The following HYOU1 variants were observed in gnomAD, a reference collection of about 807,000 sequenced individuals.
HYOU1 encodes hypoxia up-regulated 1.
A neutral mutation model predicts 120.5 loss-of-function variants in HYOU1; 40 were observed. That is an observed-to-expected ratio of 0.33 (90% CI 0.26 to 0.43). The LOEUF (loss-of-function observed/expected upper bound fraction) is 0.43, where lower values mean the gene tolerates loss of function less well. HYOU1 is among the 20% of genes least tolerant of loss of function. HYOU1 has a pLI of 1.00. For missense variants in HYOU1, 1,085 were observed against 1,278.3 expected, an observed-to-expected ratio of 0.85 and a Z score of 2.31; for synonymous variants, 501 against 479.4, an observed-to-expected ratio of 1.05 and a Z score of -0.59.
rs2133582139 is a variant in HYOU1, at chr11:119,051,034, C to T, written c.1665+1G>A. 2 of 1,614,094 alleles carry T rather than the reference C, an allele frequency of 1.2e-6. No homozygotes were observed. Among genetic ancestry groups the T allele is most frequent in the African/African-American group, 1.3e-5 (1 of 74,932 alleles). ...CACACAGGGTATCCTTTAGCTCTCA[C>T]CCTGTCTAGACTGAGCACGCCACTC... On this transcript the variant is annotated splice_donor_variant, in intron 14 of 25. Coordinates refer to ENST00000617285, the MANE Select transcript of HYOU1 (RefSeq NM_006389.5). LOFTEE classifies it high-confidence loss of function. This position sits in a 1 kb window ranked among gnomAD's most constrained non-coding sequence, Gnocchi z 4.2.
In HYOU1 at chr11:119,048,875, C is replaced by A; in HGVS notation, c.2004G>T (p.Glu668Asp). 1 of 1,607,056 alleles carries A rather than the reference C, an allele frequency of 6.2e-7. No individual in the cohort carries two copies. Among genetic ancestry groups the A allele is most frequent in the Non-Finnish European group, 8.5e-7 (1 of 1,177,088 alleles). The change falls in exon 18 of 26, where the codon GAG (glutamate) becomes GAT (aspartate). Residue 668 changes from glutamate (E) to aspartate (D), a missense_variant. Physicochemically the swap from Glu to Asp is conservative, Grantham distance 45 (BLOSUM62 2). This residue lies in a region of HYOU1 where 516 missense variants were observed against 517.1 expected (regional missense o/e 1.00). Transcript: ENST00000617285. The surrounding 1 kb of genome is among the most constrained non-coding windows in gnomAD (Gnocchi z 4.7). ...GDKSEAQKPS[E>D]KAEAGPEGVA... ...CGCCCTCAGGCCCTGCCTCTGCCTT[C>A]TCACTTGGTTTCTGGGTGGGAAGAG...
rs1187598304 is a variant in HYOU1, at chr11:119,051,098, G to A, written c.1602C>T (p.Tyr534=). The change falls in exon 14 of 26, where the codon TAC becomes TAT. Residue 534 remains tyrosine, a synonymous_variant. Transcript: ENST00000617285. This position sits in a 1 kb window ranked among gnomAD's most constrained non-coding sequence, Gnocchi z 4.2. ...VGDSFKKYPD[Y]ESKGIKAHFN... ...AGTGAGCCTTGATGCCCTTGGACTC[G>A]TAGTCAGGATACTTCTTGAAGCTGT... 8.1e-6 allele frequency: 13 copies of A among 1,614,190 alleles called. No homozygotes were observed. Among genetic ancestry groups the A allele is most frequent in the East Asian group, 4.5e-5 (2 of 44,880 alleles).
intron 1 of HYOU1, chr11:119,056,443 C>A: frequency 1.9e-6 from 1 of 526,734 alleles, no homozygotes; most frequent in African/African-American, 1.9e-5. Context: ...GAAAGGAGAC[C>A]CGAGCCTTTT....
intron 8 of HYOU1, chr11:119,053,860 C>A: frequency 7.8e-6 from 3 of 385,576 alleles, no homozygotes; most frequent in African/African-American, 2.1e-5. Flanking sequence ...GAATCTGACA[C>A]CCTACATATT....
At position 119,055,914 on chromosome 11, in the gene HYOU1, C is replaced by A; in HGVS notation, c.92-71G>T. On this transcript the variant is annotated intron_variant, in intron 2 of 25. Coordinates refer to ENST00000617285, the MANE Select transcript of HYOU1 (RefSeq NM_006389.5). This position sits in a 1 kb window ranked among gnomAD's most constrained non-coding sequence, Gnocchi z 4.0. ...TTCCTGGGACTCCCTCTAATCAAAG[C>A]ATACCACTTTCCATGGGTAAACGAA... 7.0e-7 allele frequency: 1 copy of A among 1,436,540 alleles called. No homozygotes were observed. The highest frequency in any genetic ancestry group is 1.1e-5 in the South Asian group (1 of 87,500). The allele number at this position is 1,436,540 out of a possible 1,614,324, so 89.0% of individuals were successfully genotyped here. A position where few individuals can be genotyped will look rare whatever the true frequency, so the allele number is the denominator to read the frequency against.
chr11:119,047,996 G>A lies in HYOU1; in HGVS notation c.2461C>T (p.Arg821Trp), dbSNP rs2133560148. The change falls in exon 21 of 26, where the codon CGG (arginine) becomes TGG (tryptophan). Residue 821 changes from arginine (R) to tryptophan (W), a missense_variant. Physicochemically the swap from Arg to Trp is moderately radical, Grantham distance 101. Coordinates refer to ENST00000617285, the MANE Select transcript of HYOU1 (RefSeq NM_006389.5). The stretch of plus-strand genomic sequence containing the variant: ...AGGAGATTATCGAGGGCAGACAGCC[G>A]TTCGGGCCACTTCTTGCGCTCCTCT... The part of the protein sequence containing the change: ...RVEERKKWPE[R>W]LSALDNLLNH... The A allele has an allele frequency of 5.5e-5, 88 of 1,614,068 alleles. No homozygotes were observed. The Admixed American group carries it at 1.2e-3, about 23-fold the overall frequency.
chr11:119,047,605 A>G, intron 22 of HYOU1, 129 bp downstream of exon 22: 1 of 785,856 alleles, frequency 1.3e-6, no homozygotes. Flanking sequence ...CTCAAATACA[A>G]ACATCTTTTG....
intron 8 of HYOU1, 50 bp downstream of exon 8, chr11:119,054,071 C>T (rs2133602344): frequency 8.4e-7 from 1 of 1,193,312 alleles, no homozygotes; most frequent in Non-Finnish European, 1.2e-6. Context: ...GAAGAAACCC[C>T]TGACTTGAGG....
intron 7 of HYOU1, 83 bp from the exon 8 acceptor site, chr11:119,054,319 GCTGT>G (rs1337283277): frequency 1.6e-6 from 2 of 1,246,408 alleles, no homozygotes; most frequent in East Asian, 2.3e-5. Flanking sequence ...CTTCCAATGG[GCTGT>G]CTGACTCTTA....
At chr11:119,053,935 A>C (rs781875256) in intron 8 of HYOU1, 186 bp downstream of exon 8, 3 of 516,140 alleles carry the variant, frequency 5.8e-6, no homozygotes, top group Non-Finnish European at 6.9e-6. Context: ...AGTTTTCCCA[A>C]ACTGTCCTCC....
In HYOU1 at chr11:119,048,287, G is replaced by A; in HGVS notation, c.2337C>T (p.Ser779=). 2 of 1,611,556 alleles carry A rather than the reference G, an allele frequency of 1.2e-6. No homozygotes were observed. Among genetic ancestry groups the A allele is most frequent in the Non-Finnish European group, 1.7e-6 (2 of 1,179,982 alleles). Residue 779 remains serine, a synonymous_variant, in exon 20 of 26, where the codon TCC becomes TCT. Transcript: ENST00000617285. This position sits in a 1 kb window ranked among gnomAD's most constrained non-coding sequence, Gnocchi z 4.7. ...EEISGKLSAA[S]TWLEDEGVGA... is the part of the protein sequence containing the mutation. ...CAACACCCTCATCCTCCAGCCAGGT[G>A]GATGCGGCGCTGAGCTTCCCAGAGA...
In HYOU1 at chr11:119,052,280, C is replaced by T; in HGVS notation, c.1122+15G>A. ...CTTTCCTACGGGGCATTCCCGCCTTCCCCTACTCGCTCACCAGACTCATTT... is the reference window on the plus strand; with the variant it reads ...CTTTCCTACGGGGCATTCCCGCCTTTCCCTACTCGCTCACCAGACTCATTT... On this transcript the variant is annotated intron_variant, in intron 10 of 25. Coordinates refer to ENST00000617285, the MANE Select transcript of HYOU1 (RefSeq NM_006389.5). This position sits in a 1 kb window ranked among gnomAD's most constrained non-coding sequence, Gnocchi z 5.0. 1 of 1,614,220 alleles carries T rather than the reference C, an allele frequency of 6.2e-7. No homozygotes were observed. Among genetic ancestry groups the T allele is most frequent in the Non-Finnish European group, 8.5e-7 (1 of 1,180,036 alleles).
Position 119,048,025 on chromosome 11 carries a change from C to A in HYOU1, c.2432G>T (p.Arg811Leu), listed in dbSNP as rs144111366. 1.2e-6 allele frequency: 2 copies of A among 1,614,198 alleles called. No homozygotes were observed. Among genetic ancestry groups the A allele is most frequent in the South Asian group, 1.1e-5 (1 of 91,084 alleles). The change falls in exon 21 of 26, where the codon CGG (arginine) becomes CTG (leucine). Residue 811 changes from arginine (R) to leucine (L), a missense_variant. Physicochemically the swap from Arg to Leu is moderately radical, Grantham distance 102. Around this residue, in one of 4 missense-constraint regions of HYOU1, gnomAD observed 516 missense variants for 517.1 expected, o/e 1.00. Coordinates refer to ENST00000617285, the MANE Select transcript of HYOU1 (RefSeq NM_006389.5). This position sits in a 1 kb window ranked among gnomAD's most constrained non-coding sequence, Gnocchi z 4.7. ...LRKLCQGLFF[R>L]VEERKKWPER... is the part of the protein sequence containing the mutation. ...GGGCCACTTCTTGCGCTCCTCTACC[C>A]GAAAAAACAGCCCTTGGCACAGCTT...
intron 24 of HYOU1, among the ~76,000 whole-genome samples, chr11:119,046,213 G>A (rs2133548189): frequency 2.6e-4 from 39 of 150,692 alleles, no homozygotes; most frequent in Non-Finnish European, 3.2e-4. Flanking sequence ...TGATCTACCC[G>A]CCTCAGCCTT....
At chr11:119,056,472 G>C (rs916211124) in intron 1 of HYOU1, 3 of 475,842 alleles carry the variant, frequency 6.3e-6, no homozygotes, top group South Asian at 3.3e-5. Flanking sequence ...CACAGGCAGT[G>C]AGTGGCGCAC....
In HYOU1 at chr11:119,052,588, A is replaced by G. The variant is rs782466229; in HGVS notation, c.987+49T>C. The stretch of plus-strand genomic sequence containing the variant: ...GCCCAGTTCAGTGGCAGGGTCCCCC[A>G]CCCTCTACGTGGGACAAAATATAGC... On this transcript the variant is annotated intron_variant, in intron 9 of 25. Coordinates refer to ENST00000617285, the MANE Select transcript of HYOU1 (RefSeq NM_006389.5). This position sits in a 1 kb window ranked among gnomAD's most constrained non-coding sequence, Gnocchi z 5.0. The G allele has an allele frequency of 6.3e-7, 1 of 1,577,790 alleles. No homozygotes were observed. The highest frequency in any genetic ancestry group is 1.3e-5 in the African/African-American group (1 of 74,372).
At chr11:119,047,872 G>C in intron 21 of HYOU1, 54 bp from the exon 22 acceptor site, 1 of 1,612,838 alleles carries the variant, frequency 6.2e-7, no homozygotes, top group Non-Finnish European at 8.5e-7. Context: ...CCTGGAGTGT[G>C]GGGAGTGGGA....
Position 119,052,233 on chromosome 11 carries a change from C to T in HYOU1, c.1123-61G>A, listed in dbSNP as rs2133591424. 109 of 1,613,752 alleles carry T rather than the reference C, an allele frequency of 6.8e-5. 1 individual carries two copies. The Admixed American group carries it at 1.4e-3, about 21-fold the overall frequency. ...CAGTTAGCACTGACTCGTCCCTTGACGTCCCATGGGTTTCCTATGCCCTTT... is the reference window on the plus strand; with the variant it reads ...CAGTTAGCACTGACTCGTCCCTTGATGTCCCATGGGTTTCCTATGCCCTTT... On this transcript the variant is annotated intron_variant, in intron 10 of 25. Transcript: ENST00000617285. This position sits in a 1 kb window ranked among gnomAD's most constrained non-coding sequence, Gnocchi z 5.0.
In HYOU1 at chr11:119,055,150, G is replaced by C; in HGVS notation, c.419+35C>G. 1 of 1,611,652 alleles carries C rather than the reference G, an allele frequency of 6.2e-7. No homozygotes were observed. Among genetic ancestry groups the C allele is most frequent in the South Asian group, 1.1e-5 (1 of 90,932 alleles). ...ACACACCAATGAGGAGCCCAGCAGC[G>C]TTGCCGAGACCACCTTCCCCAACAG... On this transcript the variant is annotated intron_variant, in intron 5 of 25. Coordinates refer to ENST00000617285, the MANE Select transcript of HYOU1 (RefSeq NM_006389.5). The surrounding 1 kb of genome is among the most constrained non-coding windows in gnomAD (Gnocchi z 4.0).
Sources: allele counts gnomAD v4.1 joint callset (sites outside exome capture counted in the v4.1 genomes callset), GRCh38; gene constraint gnomAD v4.1.1; regional missense constraint gnomAD v4.1.1; non-coding constraint Gnocchi (gnomAD v3.1); transcripts MANE v1.5; gene names NCBI Gene and HGNC (gene_info 2026-07-23, HGNC 2026-07-21).